The following FBXO5 variants were observed in gnomAD, a reference collection of about 807,000 sequenced individuals.
FBXO5 encodes F-box protein 5.
Under a neutral mutation model 43.3 loss-of-function variants are expected in FBXO5, and 8 were observed. That is an observed-to-expected ratio of 0.18 (90% CI 0.11 to 0.33). The LOEUF is 0.33. Among genes scored for constraint, FBXO5 ranks in the 10% least tolerant of loss-of-function variants. FBXO5 has a pLI of 1.00. For missense variants in FBXO5, 491 were observed against 535.7 expected, an observed-to-expected ratio of 0.92 and a Z score of 0.82; for synonymous variants, 204 against 193.7, an observed-to-expected ratio of 1.05 and a Z score of -0.44.
chr6:152,981,941 T>A (rs1165969652), intron 1 of FBXO5, among the ~76,000 whole-genome samples: 2 of 152,194 alleles, frequency 1.3e-5, no homozygotes, highest in Non-Finnish European at 2.9e-5. Context: ...CATTCCATTC[T>A]CTGCAAGCTT....
intron 1 of FBXO5, among the ~76,000 whole-genome samples, chr6:152,978,693 G>C (rs1284781697): frequency 1.3e-5 from 2 of 152,058 alleles, no homozygotes; most frequent in South Asian, 2.1e-4. Context: ...TGGATAATTA[G>C]ATTTAGTATT....
chr6:152,975,267 T>C lies in FBXO5; in HGVS notation c.458A>G (p.Gln153Arg). 1.2e-6 allele frequency: 2 copies of C among 1,614,172 alleles called. No homozygotes were observed. The highest frequency in any genetic ancestry group is 1.3e-5 in the African/African-American group (1 of 75,052). ...EDSGYSSFSLQSGLSEHEEGS... is the reference protein window; with the variant it reads ...EDSGYSSFSLRSGLSEHEEGS... ...TTCTTCATGTTCACTGAGGCCACTT[T>C]GTAGAGAAAATGAGGAATAGCCACT... The change falls in exon 2 of 5, where the codon CAA becomes CGA. Residue 153 changes from glutamine to arginine, a missense_variant. Coordinates refer to ENST00000229758, the MANE Select transcript of FBXO5 (RefSeq NM_012177.5).
upstream of FBXO5, chr6:152,983,288 G>C: frequency 1.2e-5 from 3 of 260,022 alleles, no homozygotes; most frequent in Non-Finnish European, 2.2e-5. Flanking sequence ...TCCGAGCACG[G>C]GGAGGCCGCG....
intron 3 of FBXO5, 62 bp downstream of exon 3, chr6:152,972,984 C>T: frequency 7.4e-7 from 1 of 1,342,290 alleles, no homozygotes; most frequent in Non-Finnish European, 1.1e-6. Flanking sequence ...CTTTTCTTTT[C>T]TATTTCTAGA....
intron 1 of FBXO5, among the ~76,000 whole-genome samples, chr6:152,981,550 G>A (rs1584083505): frequency 6.6e-6 from 1 of 151,598 alleles, no homozygotes; most frequent in Admixed American, 6.6e-5. Flanking sequence ...TAACATATAT[G>A]TATTTTTAAT....
chr6:152,978,946 A>G (rs1778219111), intron 1 of FBXO5, among the ~76,000 whole-genome samples: 3 of 152,080 alleles, frequency 2.0e-5, no homozygotes, highest in Non-Finnish European at 2.9e-5. Flanking sequence ...AGTTGTGATC[A>G]TACCACTGCA....
intron 1 of FBXO5, among the ~76,000 whole-genome samples, chr6:152,976,418 G>C (rs1002656771): frequency 6.6e-6 from 1 of 152,118 alleles, no homozygotes; most frequent in Non-Finnish European, 1.5e-5. Flanking sequence ...TACCTTACTG[G>C]ATAGTAAACT....
In FBXO5 at chr6:152,978,627, C is replaced by T. The variant is rs371244225; in HGVS notation, c.104-3006G>A. ...TCTGTACTCTTCCTCACGAAATTAG[C>T]ACTTAAGGAGTTAAAATGACTACCA... On this transcript the variant is annotated intron_variant, in intron 1 of 4. Coordinates refer to ENST00000229758, the MANE Select transcript of FBXO5 (RefSeq NM_012177.5). Among the ~76,000 whole-genome samples the T allele has an allele frequency of 5.3e-5, 8 of 152,102 alleles. 1 individual carries two copies. Among genetic ancestry groups the T allele is most frequent in the African/African-American group, 4.8e-5 (2 of 41,482 alleles).
intron 4 of FBXO5, 91 bp downstream of exon 4, chr6:152,972,181 A>G (rs1202159934): frequency 5.9e-6 from 5 of 849,472 alleles, no homozygotes; most frequent in Non-Finnish European, 7.2e-6. Context: ...TATTATCTAG[A>G]GCAAAGTTAC....
At position 152,974,641 on chromosome 6, in the gene FBXO5, C is replaced by T. The variant is rs543783912; in HGVS notation, c.818+266G>A. 4.6e-5 allele frequency among the ~76,000 whole-genome samples: 7 copies of T among 152,294 alleles called. No homozygotes were observed. The South Asian group carries it at 1.4e-3, about 32-fold the overall frequency. The stretch of plus-strand genomic sequence containing the variant: ...CATCTCTAATCCAAAAATCTGAAAA[C>T]TTTTGAATGCTGACATGATGCTCAA... On this transcript the variant is annotated intron_variant, in intron 2 of 4. Coordinates refer to ENST00000229758, the MANE Select transcript of FBXO5 (RefSeq NM_012177.5).
chr6:152,983,178 A>C, upstream of FBXO5: 1 of 395,812 alleles, frequency 2.5e-6, no homozygotes. Context: ...TCCGCGCCCA[A>C]TTGGAGGCTG....
At chr6:152,980,011 C>A (rs1193241558) in intron 1 of FBXO5, among the ~76,000 whole-genome samples, 4 of 152,130 alleles carry the variant, frequency 2.6e-5, no homozygotes, top group African/African-American at 9.7e-5. Flanking sequence ...CATAACAATA[C>A]TGCAGAAGAA....
intron 1 of FBXO5, among the ~76,000 whole-genome samples, chr6:152,976,650 A>T (rs1057363952): frequency 2.0e-5 from 3 of 152,204 alleles, no homozygotes; most frequent in African/African-American, 7.2e-5. Context: ...ATTACTGTTC[A>T]ATTGCTTTAA....
chr6:152,981,868 A>G (rs1244181525), intron 1 of FBXO5, among the ~76,000 whole-genome samples: 1 of 152,194 alleles, frequency 6.6e-6, no homozygotes, highest in Non-Finnish European at 1.5e-5. Context: ...TCAGGTAAAA[A>G]TAAGTGCATA....
chr6:152,974,397 A>G (rs1247540029), intron 2 of FBXO5, among the ~76,000 whole-genome samples: 1 of 152,224 alleles, frequency 6.6e-6, no homozygotes, highest in Non-Finnish European at 1.5e-5. Flanking sequence ...TTAAGCCCCA[A>G]AGATGTAACT....
chr6:152,974,361 T>C (rs944391386), intron 2 of FBXO5, among the ~76,000 whole-genome samples: 2 of 152,212 alleles, frequency 1.3e-5, no homozygotes, highest in African/African-American at 4.8e-5. Context: ...ATTAGACATG[T>C]AGACTGGAAC....
At chr6:152,982,732 C>T in intron 1 of FBXO5, 125 bp downstream of exon 1, 1 of 607,786 alleles carries the variant, frequency 1.6e-6, no homozygotes. Context: ...CGCCCGAGGC[C>T]GGGCGTGTGG....
At chr6:152,978,096 T>C (rs1472772510) in intron 1 of FBXO5, among the ~76,000 whole-genome samples, 1 of 152,202 alleles carries the variant, frequency 6.6e-6, no homozygotes, top group Non-Finnish European at 1.5e-5. Flanking sequence ...TTCCTCATTA[T>C]AATGAGGTGC....
chr6:152,971,258 T>C lies in FBXO5; in HGVS notation c.1249A>G (p.Lys417Glu), dbSNP rs1365653085. The C allele has an allele frequency of 1.9e-6, 3 of 1,613,958 alleles. No individual in the cohort carries two copies. Among genetic ancestry groups the C allele is most frequent in the Admixed American group, 1.7e-5 (1 of 60,004 alleles). Residue 417 changes from lysine to glutamate, a missense_variant, in exon 5 of 5, where the codon AAA becomes GAA. By Grantham distance (56) the Lys-to-Glu change is moderately conservative (BLOSUM62 1). Transcript: ENST00000229758. Reference sequence around the variant, plus strand: ...AGGAGCTTGCCATCTGAACAGTCTTTAGTAGTATGATAATTACAGAGACAC... The same window carrying C: ...AGGAGCTTGCCATCTGAACAGTCTTCAGTAGTATGATAATTACAGAGACAC... The part of the protein sequence containing the change: ...TKCLCNYHTT[K>E]DCSDGKLLKA...
Sources: allele counts gnomAD v4.1 joint callset (sites outside exome capture counted in the v4.1 genomes callset), GRCh38; gene constraint gnomAD v4.1.1; transcripts MANE v1.5; gene names NCBI Gene and HGNC (gene_info 2026-07-23, HGNC 2026-07-21).